Variants in IGF1R observed in about 807,000 individuals in gnomAD.
IGF1R encodes the protein insulin-like growth factor 1 receptor.
Under a neutral mutation model 144.6 loss-of-function variants are expected in IGF1R, and 44 were observed. The observed-to-expected ratio is 0.30, with a 90% confidence interval of 0.24 to 0.39. The LOEUF is 0.39. Ranked by LOEUF, IGF1R falls within the 10% of genes least tolerant of loss-of-function variation. The pLI is 1.00. For synonymous variants in IGF1R, 795 were observed against 722.8 expected, an observed-to-expected ratio of 1.10 and a Z score of -1.60; for missense variants, 1,355 against 1,833.7, an observed-to-expected ratio of 0.74 and a Z score of 4.77.
At chr15:98,809,480 G>A (rs1345751096) in intron 2 of IGF1R, among the ~76,000 whole-genome samples, 4 of 152,172 alleles carry the variant, frequency 2.6e-5, no homozygotes, top group South Asian at 4.1e-4. Flanking sequence ...TCTGGGCATT[G>A]GGAACATTGC....
intron 10 of IGF1R, among the ~76,000 whole-genome samples, chr15:98,919,905 A>C (rs906278295): frequency 6.6e-6 from 1 of 152,222 alleles, no homozygotes; most frequent in African/African-American, 2.4e-5. Context: ...TCTGAGAACA[A>C]TGTATTTGTG....
intron 20 of IGF1R, among the ~76,000 whole-genome samples, chr15:98,949,120 C>G (rs2016672941): frequency 6.6e-6 from 1 of 152,210 alleles, no homozygotes; most frequent in Non-Finnish European, 1.5e-5. Context: ...TGTGGCAGGC[C>G]TGAGGGAGCC....
At position 98,926,963 on chromosome 15, in the gene IGF1R, C is replaced by G. The variant is rs555339217; in HGVS notation, c.2782+2279C>G. On this transcript the variant is annotated intron_variant, in intron 13 of 20. Transcript: ENST00000650285. ...TCTTTCCCCAGCCTCCTTCCCTCCT[C>G]TTTTTCCTCCCCTCCATCTCCTAGA... is the stretch of plus-strand genomic sequence containing the variant. 9.6e-4 allele frequency among the ~76,000 whole-genome samples: 146 copies of G among 152,288 alleles called. 1 individual carries two copies. Among genetic ancestry groups the G allele is most frequent in the African/African-American group, 3.4e-3 (142 of 41,566 alleles).
intron 2 of IGF1R, among the ~76,000 whole-genome samples, chr15:98,848,349 GTGTTCACACTAA>G (rs1327936979): frequency 6.6e-6 from 1 of 152,162 alleles, no homozygotes; most frequent in East Asian, 1.9e-4. Flanking sequence ...CACAGTTTAC[GTGTTCACACTAA>G]AGTGCCAGTC....
At chr15:98,665,193 C>T (rs560864871) in intron 1 of IGF1R, among the ~76,000 whole-genome samples, 3 of 152,212 alleles carry the variant, frequency 2.0e-5, no homozygotes, top group Admixed American at 6.5e-5. Context: ...CCTTGTGATC[C>T]GCCCACCTCG....
At chr15:98,768,263 T>C (rs911261524) in intron 2 of IGF1R, among the ~76,000 whole-genome samples, 20 of 152,148 alleles carry the variant, frequency 1.3e-4, no homozygotes, top group African/African-American at 4.8e-4. Context: ...AGGAAAGTAT[T>C]CGTTGGATGC....
At chr15:98,897,199 A>C (rs2014243950) in intron 4 of IGF1R, 2 of 436,654 alleles carry the variant, frequency 4.6e-6, no homozygotes, top group Admixed American at 3.5e-5. Flanking sequence ...GACACATACA[A>C]ACCCCAGAAG....
At chr15:98,953,044 C>T (rs2016839891) in intron 20 of IGF1R, 5 of 152,186 alleles carry the variant, frequency 3.3e-5, no homozygotes, top group South Asian at 2.1e-4. Flanking sequence ...GAATGGCCTC[C>T]GTTTATCCCG....
rs527513839 is a variant in IGF1R, at chr15:98,863,273, C to T, written c.641-28052C>T. Among the ~76,000 whole-genome samples the T allele has an allele frequency of 4.6e-5, 7 of 152,104 alleles. No individual in the cohort carries two copies. In the South Asian group the frequency reaches 1.0e-3, roughly 23 times the overall value. ...TCTTTGCGCATCCTGTCAGGAGATG[C>T]GTGATGTTTCCTTTCCTGGTGCTGT... On this transcript the variant is annotated intron_variant, in intron 2 of 20. Coordinates refer to ENST00000650285, the MANE Select transcript of IGF1R (RefSeq NM_000875.5).
intron 2 of IGF1R, among the ~76,000 whole-genome samples, chr15:98,744,599 C>G (rs1010183721): frequency 2.6e-5 from 4 of 151,996 alleles, no homozygotes; most frequent in South Asian, 4.1e-4. Flanking sequence ...ATGGAAGGGA[C>G]TCTGCTGAGA....
At chr15:98,679,414 A>G (rs965526835) in intron 1 of IGF1R, among the ~76,000 whole-genome samples, 1 of 152,158 alleles carries the variant, frequency 6.6e-6, no homozygotes, top group Non-Finnish European at 1.5e-5. Flanking sequence ...TCCAGAATTA[A>G]TTGCCGTGCT....
At position 98,700,145 on chromosome 15, in the gene IGF1R, A is replaced by T. The variant is rs45558234; in HGVS notation, c.95-7417A>T. On this transcript the variant is annotated intron_variant, in intron 1 of 20. Coordinates refer to ENST00000650285, the MANE Select transcript of IGF1R (RefSeq NM_000875.5). ...CTCTTTTCTGATCTCTGATTTTTCA[A>T]TTAGGAATGAGGCCTAAAGAAACCC... Among the ~76,000 whole-genome samples the T allele has an allele frequency of 2.1e-4, 32 of 152,216 alleles. No individual in the cohort carries two copies. The South Asian group carries it at 6.4e-3, about 31-fold the overall frequency.
intron 1 of IGF1R, among the ~76,000 whole-genome samples, chr15:98,656,813 C>T (rs563936270): frequency 6.6e-6 from 1 of 152,286 alleles, no homozygotes; most frequent in South Asian, 2.1e-4. Flanking sequence ...ATCCGTCCAT[C>T]GTCCAAATTC....
chr15:98,825,964 C>G (rs1229812229), intron 2 of IGF1R, among the ~76,000 whole-genome samples: 1 of 152,148 alleles, frequency 6.6e-6, no homozygotes, highest in East Asian at 1.9e-4. Context: ...AGCCATGTGG[C>G]CTTGGTGACC....
At chr15:98,931,364 C>CT (rs2015933799) in intron 15 of IGF1R, among the ~76,000 whole-genome samples, 1 of 152,100 alleles carries the variant, frequency 6.6e-6, no homozygotes, top group Non-Finnish European at 1.5e-5. Flanking sequence ...CATGATTATT[C>CT]TAATTATTGT....
Position 98,917,247 on chromosome 15 carries a change from C to T in IGF1R, c.2201+371C>T, listed in dbSNP as rs45490297. ...GGCCAGGATTTGGGTCCATCTCTGC[C>T]CTTCCTAATTATCTTTACTGCCTCT... On this transcript the variant is annotated intron_variant, in intron 10 of 20. Coordinates refer to ENST00000650285, the MANE Select transcript of IGF1R (RefSeq NM_000875.5). 8.8e-3 allele frequency among the ~76,000 whole-genome samples: 1,342 copies of T among 152,250 alleles called. 7 individuals carry two copies. Among genetic ancestry groups the T allele is most frequent in the Non-Finnish European group, 0.014 (927 of 68,024 alleles).
In IGF1R at chr15:98,935,014, C is replaced by G. The variant is rs139635235; in HGVS notation, c.3147C>G (p.Asn1049Lys). 1 of 1,614,086 alleles carries G rather than the reference C, an allele frequency of 6.2e-7. No individual in the cohort carries two copies. Among genetic ancestry groups the G allele is most frequent in the Non-Finnish European group, 8.5e-7 (1 of 1,179,984 alleles). The part of the protein sequence containing the change: ...ASMRERIEFL[N>K]EASVMKEFNC... Reference sequence around the variant, plus strand: ...TGCGTGAGAGGATTGAGTTTCTCAACGAAGCTTCTGTGATGAAGGAGTTCA... The same window carrying G: ...TGCGTGAGAGGATTGAGTTTCTCAAGGAAGCTTCTGTGATGAAGGAGTTCA... Residue 1049 changes from asparagine to lysine, a missense_variant, in exon 16 of 21, where the codon AAC becomes AAG. Transcript: ENST00000650285. This position sits in a 1 kb window ranked among gnomAD's most constrained non-coding sequence, Gnocchi z 4.2.
chr15:98,858,870 T>C (rs1377271907), intron 2 of IGF1R, among the ~76,000 whole-genome samples: 1 of 152,164 alleles, frequency 6.6e-6, no homozygotes, highest in Non-Finnish European at 1.5e-5. Flanking sequence ...CCAGCTATGT[T>C]TGAAGGAGTC....
chr15:98,960,909 C>T lies in IGF1R; in HGVS notation c.*3467C>T. 4.3e-6 allele frequency: 1 copy of T among 234,126 alleles called. No homozygotes were observed. Among genetic ancestry groups the T allele is most frequent in the Non-Finnish European group, 8.4e-6 (1 of 118,380 alleles). The allele number at this position is 234,126 out of a possible 1,614,324, so 14.5% of individuals were successfully genotyped here. A position where few individuals can be genotyped will look rare whatever the true frequency, so the allele number is the denominator to read the frequency against. On this transcript the variant is annotated 3_prime_UTR_variant, in exon 21 of 21. Coordinates refer to ENST00000650285, the MANE Select transcript of IGF1R (RefSeq NM_000875.5). ...CGCCGAGGCTCGTGGCGTCACGCCC[C>T]CCCCGCCAGGGCTGTACCTCCGTCT...
Sources: gnomAD v4.1 joint callset for allele counts (sites outside exome capture counted in the v4.1 genomes callset) on GRCh38, gnomAD v4.1.1 for gene constraint, Gnocchi (gnomAD v3.1) non-coding constraint, MANE v1.5 for transcripts, NCBI Gene and HGNC (gene_info 2026-07-23, HGNC 2026-07-21) for gene names.